The following COLGALT2 variants were observed in gnomAD, a reference collection of about 807,000 sequenced individuals.
The protein encoded by COLGALT2 is procollagen galactosyltransferase 2.
In COLGALT2, 49 loss-of-function variants were observed where a neutral mutation model predicts 73.4. That is an observed-to-expected ratio of 0.67 (90% CI 0.53 to 0.85). The LOEUF (loss-of-function observed/expected upper bound fraction) is 0.85, where lower values mean the gene tolerates loss of function less well. Among genes scored for constraint, COLGALT2 ranks in the 40% least tolerant of loss-of-function variants. The pLI, the probability that COLGALT2 is intolerant of heterozygous loss-of-function variation, is 0.00. For missense variants in COLGALT2, 722 were observed against 790.2 expected (o/e 0.91, Z 1.03); for synonymous variants, 295 against 307.6 (o/e 0.96, Z 0.43).
intron 4 of COLGALT2, among the ~76,000 whole-genome samples, chr1:183,972,400 T>C (rs1029078164): frequency 3.9e-5 from 6 of 152,218 alleles, no homozygotes; most frequent in Admixed American, 3.9e-4. Context: ...GAGACACTGC[T>C]CCTGGCCAAC....
chr1:183,976,668 G>C (rs1033177083), intron 2 of COLGALT2, among the ~76,000 whole-genome samples: 2 of 152,114 alleles, frequency 1.3e-5, no homozygotes, highest in Non-Finnish European at 2.9e-5. Context: ...ATGGCTCTGA[G>C]GGGAGAGGGG....
chr1:183,983,449 T>C (rs1049913986), intron 1 of COLGALT2, among the ~76,000 whole-genome samples: 4 of 152,184 alleles, frequency 2.6e-5, no homozygotes, highest in Non-Finnish European at 4.4e-5. Flanking sequence ...TATATTTCCA[T>C]TTGAATGCAT....
Position 183,967,333 on chromosome 1 carries a change from C to T in COLGALT2, c.832+1936G>A, listed in dbSNP as rs540562743. On this transcript the variant is annotated intron_variant, in intron 5 of 11. Transcript: ENST00000361927. ...AAAAATCTTAACTCCCAACTAACAC[C>T]GTGCCAGGAACAGAAGGAAACACTT... Among the ~76,000 whole-genome samples the T allele has an allele frequency of 5.9e-5, 9 of 152,366 alleles. No individual in the cohort carries two copies. The South Asian group carries it at 1.2e-3, about 21-fold the overall frequency.
At chr1:184,026,187 C>T (rs913356912) in intron 1 of COLGALT2, among the ~76,000 whole-genome samples, 5 of 152,102 alleles carry the variant, frequency 3.3e-5, no homozygotes, top group South Asian at 2.1e-4. Flanking sequence ...AAATGAAAGA[C>T]GCTGCTTTTG....
chr1:183,992,230 G>C (rs890431608), intron 1 of COLGALT2, among the ~76,000 whole-genome samples: 1 of 152,228 alleles, frequency 6.6e-6, no homozygotes, highest in Non-Finnish European at 1.5e-5. Flanking sequence ...CTCAGAGGTA[G>C]TAAGAATTAG....
At chr1:183,930,569 CTTTTTT>C (rs397861890) in intron 11 of COLGALT2, among the ~76,000 whole-genome samples, 40 of 114,066 alleles carry the variant, frequency 3.5e-4, no homozygotes, top group Admixed American at 6.0e-4. Context: ...TTTTCTTTTT[CTTTTTT>C]TTTTTTTTTT....
chr1:183,975,722 T>C (rs1671171198), intron 2 of COLGALT2, among the ~76,000 whole-genome samples: 1 of 152,222 alleles, frequency 6.6e-6, no homozygotes, highest in South Asian at 2.1e-4. Flanking sequence ...GCCTAACACA[T>C]TGATCTATCT....
rs138977324 is a variant in COLGALT2 at position 183,964,128 on chromosome 1, A to G, written c.833-108T>C. The G allele has an allele frequency of 1.1e-4, 130 of 1,227,470 alleles. No homozygotes were observed. In the African/African-American group the frequency reaches 1.5e-3, roughly 14 times the overall value. The allele number at this position is 1,227,470 out of a possible 1,614,324, so 76.0% of individuals were successfully genotyped here. A position where few individuals can be genotyped will look rare whatever the true frequency, so the allele number is the denominator to read the frequency against. On this transcript the variant is annotated intron_variant, in intron 5 of 11. Transcript: ENST00000361927. ...GTCTGATGCTGAGTTTGACACTGCA[A>G]TTAAATAAGTGGTTGTTTCAGGTAT...
chr1:184,009,680 C>G (rs572123230), intron 1 of COLGALT2, among the ~76,000 whole-genome samples: 2 of 152,046 alleles, frequency 1.3e-5, no homozygotes, highest in South Asian at 4.1e-4. Context: ...CACTTTTTTC[C>G]AAATCACTGA....
intron 11 of COLGALT2, 46 bp downstream of exon 11, chr1:183,940,535 G>T: frequency 6.6e-7 from 1 of 1,526,340 alleles, no homozygotes; most frequent in South Asian, 1.1e-5. Context: ...CATAATTCAT[G>T]AAGAGGCTGT....
rs139236397 is a variant in COLGALT2, at chr1:183,989,701, C to T, written c.264-11181G>A. On this transcript the variant is annotated intron_variant, in intron 1 of 11. Coordinates refer to ENST00000361927, the MANE Select transcript of COLGALT2 (RefSeq NM_015101.4). ...GTTCCTTGACCTACTATTTTGCTAA[C>T]GACATCCTTAATCAAATAAAAAGTA... 5.0e-3 allele frequency among the ~76,000 whole-genome samples: 768 copies of T among 152,296 alleles called. 4 individuals carry two copies. The highest frequency in any genetic ancestry group is 0.017 in the African/African-American group (725 of 41,564).
At chr1:184,014,848 T>A (rs897975345) in intron 1 of COLGALT2, among the ~76,000 whole-genome samples, 1 of 152,174 alleles carries the variant, frequency 6.6e-6, no homozygotes, top group South Asian at 2.1e-4. Context: ...GTTTTATTGA[T>A]GAATTCAGAA....
chr1:183,963,794 G>T, intron 6 of COLGALT2, 107 bp downstream of exon 6: 5 of 1,202,270 alleles, frequency 4.2e-6, no homozygotes, highest in Non-Finnish European at 5.7e-6. Flanking sequence ...TCAGCCAGGG[G>T]AGACTGATGG....
intron 1 of COLGALT2, among the ~76,000 whole-genome samples, chr1:183,988,068 T>C (rs1671533454): frequency 6.6e-6 from 1 of 152,190 alleles, no homozygotes; most frequent in Admixed American, 6.5e-5. Context: ...ATTAAATATT[T>C]CAAATATGGC....
At chr1:183,934,392 T>C (rs1268512709), downstream of COLGALT2, among the ~76,000 whole-genome samples, 3 of 152,206 alleles carry the variant, frequency 2.0e-5, no homozygotes, top group Admixed American at 6.5e-5. Context: ...AAGCCCCTCA[T>C]ATGCCCCTCC....
At chr1:183,977,219 C>T (rs1176718478) in intron 2 of COLGALT2, among the ~76,000 whole-genome samples, 1 of 152,120 alleles carries the variant, frequency 6.6e-6, no homozygotes, top group East Asian at 1.9e-4. Context: ...CACCTGTAAT[C>T]TCAGCACTTT....
In COLGALT2 at chr1:184,026,451, C is replaced by T. The variant is rs568350786; in HGVS notation, c.263+10644G>A. On this transcript the variant is annotated intron_variant, in intron 1 of 11. Coordinates refer to ENST00000361927, the MANE Select transcript of COLGALT2 (RefSeq NM_015101.4). ...CTTAACAACTGAGTTGCAATCTTCC[C>T]CACAGGAGGCTGCTGTACATGCAGT... 2.2e-4 allele frequency among the ~76,000 whole-genome samples: 34 copies of T among 152,262 alleles called. No homozygotes were observed. The South Asian group carries it at 5.8e-3, about 26-fold the overall frequency.
intron 6 of COLGALT2, 73 bp downstream of exon 6, chr1:183,963,828 A>C (rs1018830862): frequency 6.5e-6 from 9 of 1,377,144 alleles, no homozygotes; most frequent in Non-Finnish European, 8.7e-6. Context: ...ATCCTGGAAG[A>C]GGAGGGAAGT....
Position 183,938,192 on chromosome 1 carries a change from C to G in COLGALT2, c.*569G>C. On this transcript the variant is annotated 3_prime_UTR_variant, in exon 12 of 12. Transcript: ENST00000361927. ...ACCCACCCCTACTGGATAACAGGGA[C>G]TAAGATTTTTTTTTTTTAAAAAATC... 1.0e-6 allele frequency: 1 copy of G among 961,790 alleles called. No individual in the cohort carries two copies. The highest frequency in any genetic ancestry group is 1.2e-6 in the Non-Finnish European group (1 of 819,866). 59.6% of individuals were successfully genotyped at this position (961,790 alleles called of 1,614,324 possible).
Sources: gnomAD v4.1 joint callset for allele counts (sites outside exome capture counted in the v4.1 genomes callset) on GRCh38, gnomAD v4.1.1 for gene constraint, MANE v1.5 for transcripts, NCBI Gene and HGNC (gene_info 2026-07-23, HGNC 2026-07-21) for gene names.